The following MICAL3 variants were observed in gnomAD, a reference collection of about 807,000 sequenced individuals.
MICAL3 encodes [F-actin]-monooxygenase MICAL3.
MICAL3 carries 62 observed loss-of-function variants against 207.4 expected under a neutral mutation model. The observed-to-expected ratio is 0.30, with a 90% CI of 0.24 to 0.37. MICAL3 has a LOEUF of 0.37. MICAL3 is among the 10% of genes least tolerant of loss of function. The pLI is 1.00. For missense variants in MICAL3, 2,368 were observed against 2,635.6 expected (o/e 0.90, Z 2.22); for synonymous variants, 1,077 against 1,069.3 (o/e 1.01, Z -0.14).
intron 1 of MICAL3, among the ~76,000 whole-genome samples, chr22:17,970,504 T>C (rs909835988): frequency 6.6e-6 from 1 of 152,260 alleles, no homozygotes; most frequent in Non-Finnish European, 1.5e-5. Flanking sequence ...ACTCACTATG[T>C]GGCAGATGGG....
intron 25 of MICAL3, among the ~76,000 whole-genome samples, chr22:17,819,539 C>T (rs537596051): frequency 1.1e-4 from 17 of 152,224 alleles, no homozygotes; most frequent in South Asian, 8.3e-4. Context: ...CTATTTATCA[C>T]GGTGCATTAT....
rs769240321 is a variant in MICAL3 at position 17,901,862 on chromosome 22, G to A, written c.691+16C>T. On this transcript the variant is annotated intron_variant, in intron 5 of 31. Transcript: ENST00000441493. The stretch of plus-strand genomic sequence containing the variant: ...TCCCTCTGCTATGAGCCAGGCAGAG[G>A]AGCACAGACCAATACCTTCCAAGGT... The A allele has an allele frequency of 6.3e-6, 10 of 1,597,382 alleles. No homozygotes were observed. The highest frequency in any genetic ancestry group is 4.4e-5 in the South Asian group (4 of 90,528).
intron 1 of MICAL3, among the ~76,000 whole-genome samples, chr22:17,932,392 A>G (rs5992904): frequency 0.18 from 27,658 of 152,188 alleles, 2,703 homozygotes; most frequent in Middle Eastern, 0.26. Context: ...TCATAAGTGA[A>G]GGAGAAATAA....
intron 28 of MICAL3, among the ~76,000 whole-genome samples, chr22:17,809,196 A>G (rs776953925): frequency 2.6e-5 from 4 of 152,218 alleles, no homozygotes; most frequent in Non-Finnish European, 4.4e-5. Flanking sequence ...CCCTCCCAGG[A>G]GTGTTGCAGA....
chr22:17,796,725 G>A lies in MICAL3; in HGVS notation c.5651-5424C>T, dbSNP rs2061880268. On this transcript the variant is annotated intron_variant, in intron 29 of 31. Coordinates refer to ENST00000441493, the MANE Select transcript of MICAL3 (RefSeq NM_015241.3). The surrounding 1 kb of genome is among the most constrained non-coding windows in gnomAD (Gnocchi z 4.4). Reference sequence around the variant, plus strand: ...GCCTCGTCTTCTGAAGAGGCCCTGAGAGGGTAAGTAGAGTCTGTTTTGTCT... The same window carrying A: ...GCCTCGTCTTCTGAAGAGGCCCTGAAAGGGTAAGTAGAGTCTGTTTTGTCT... Among the ~76,000 whole-genome samples, 1 of 152,228 alleles carries A rather than the reference G, an allele frequency of 6.6e-6. No homozygotes were observed. The highest frequency in any genetic ancestry group is 2.4e-5 in the African/African-American group (1 of 41,460).
Position 17,818,230 on chromosome 22 carries a change from C to G in MICAL3, c.4431G>C (p.Arg1477Ser). The G allele has an allele frequency of 6.5e-7, 1 of 1,537,946 alleles. No individual in the cohort carries two copies. Among genetic ancestry groups the G allele is most frequent in the Non-Finnish European group, 8.7e-7 (1 of 1,147,850 alleles). ...CCACCGAGGCATTGGGCTCGGCCTC[C>G]CTGAGCTTCCTCCGCAAGGTGGCGG... ...EEPATLRRKL[R>S]EAEPNASVVP... Residue 1477 changes from arginine (R) to serine (S), a missense_variant, in exon 26 of 32, where the codon AGG becomes AGC. Coordinates refer to ENST00000441493, the MANE Select transcript of MICAL3 (RefSeq NM_015241.3).
At chr22:17,880,867 G>C (rs1929349869) in intron 16 of MICAL3, among the ~76,000 whole-genome samples, 1 of 152,214 alleles carries the variant, frequency 6.6e-6, no homozygotes, top group South Asian at 2.1e-4. Flanking sequence ...GAGAGAAAAG[G>C]GCTGCCTTCA....
At chr22:17,823,275 T>G (rs1243634285) in intron 22 of MICAL3, among the ~76,000 whole-genome samples, 3 of 152,182 alleles carry the variant, frequency 2.0e-5, no homozygotes, top group Admixed American at 2.0e-4. Flanking sequence ...CATTTCTCAA[T>G]GCTAGGGGCC....
chr22:17,937,951 A>T (rs1315948688), intron 1 of MICAL3, among the ~76,000 whole-genome samples: 1 of 152,242 alleles, frequency 6.6e-6, no homozygotes, highest in Non-Finnish European at 1.5e-5. Context: ...TCAAGGTCAG[A>T]TGTCAAGCTC....
chr22:17,871,959 T>C lies in MICAL3; in HGVS notation c.2306A>G (p.Lys769Arg). ...GGSDTCYFCQKRVYVMERLSA... is the reference protein window; with the variant it reads ...GGSDTCYFCQRRVYVMERLSA... ...CAGCCTCTCCATCACGTAGACCCGC[T>C]TCTGGCAGAAGTAGCATGTGTCGCT... The change falls in exon 17 of 32, where the codon AAG (lysine) becomes AGG (arginine). Residue 769 changes from lysine to arginine, a missense_variant. Physicochemically the swap from Lys to Arg is conservative, Grantham distance 26. Coordinates refer to ENST00000441493, the MANE Select transcript of MICAL3 (RefSeq NM_015241.3). 1.2e-6 allele frequency: 2 copies of C among 1,611,336 alleles called. No individual in the cohort carries two copies. Among genetic ancestry groups the C allele is most frequent in the Non-Finnish European group, 8.5e-7 (1 of 1,179,004 alleles).
chr22:17,910,227 C>T (rs960725161), intron 1 of MICAL3, among the ~76,000 whole-genome samples: 18 of 152,176 alleles, frequency 1.2e-4, no homozygotes, highest in African/African-American at 4.3e-4. Context: ...CCTTGGCTTA[C>T]ACCTACCCTG....
At chr22:17,968,769 T>C (rs1055712555) in intron 1 of MICAL3, among the ~76,000 whole-genome samples, 21 of 152,162 alleles carry the variant, frequency 1.4e-4, no homozygotes, top group Admixed American at 6.5e-5. Flanking sequence ...ATGGAAAGCA[T>C]ACTAAAGGAG....
At chr22:17,960,529 G>C (rs948344285) in intron 1 of MICAL3, among the ~76,000 whole-genome samples, 3 of 152,162 alleles carry the variant, frequency 2.0e-5, no homozygotes, top group Admixed American at 6.5e-5. Context: ...CATGCACCCT[G>C]GAACACCCCG....
intron 29 of MICAL3, among the ~76,000 whole-genome samples, chr22:17,792,378 T>C (rs940632262): frequency 3.9e-5 from 6 of 152,220 alleles, no homozygotes; most frequent in African/African-American, 1.4e-4. Flanking sequence ...CTGGGCTTCC[T>C]GGGGTCCATC....
chr22:17,830,745 C>T (rs1018324017), intron 21 of MICAL3, among the ~76,000 whole-genome samples: 2 of 152,216 alleles, frequency 1.3e-5, no homozygotes, highest in Admixed American at 6.5e-5. Context: ...GCCTCTGCCT[C>T]AGAGGGAAGA....
At chr22:18,016,248 C>T (rs1924048014) in intron 1 of MICAL3, among the ~76,000 whole-genome samples, 1 of 152,284 alleles carries the variant, frequency 6.6e-6, no homozygotes. Context: ...TTGTAATTTG[C>T]ACTTTTGATT....
chr22:18,016,884 G>A (rs1192818675), intron 1 of MICAL3, among the ~76,000 whole-genome samples: 3 of 151,316 alleles, frequency 2.0e-5, no homozygotes, highest in Non-Finnish European at 4.4e-5. Context: ...AGCTCGCAGT[G>A]AACCAAGATT....
chr22:17,844,696 C>G (rs950804529), intron 19 of MICAL3, among the ~76,000 whole-genome samples: 9 of 152,324 alleles, frequency 5.9e-5, no homozygotes, highest in African/African-American at 2.2e-4. Flanking sequence ...CTTGTTTTAG[C>G]CTTTGCATCC....
chr22:17,820,061 G>T (rs1921399416), intron 25 of MICAL3, among the ~76,000 whole-genome samples: 3 of 150,154 alleles, frequency 2.0e-5, no homozygotes, highest in Admixed American at 2.0e-4. Flanking sequence ...GAGCCGAGGA[G>T]TTGGGAGGCT....
Sources: allele counts gnomAD v4.1 joint callset (sites outside exome capture counted in the v4.1 genomes callset), GRCh38; gene constraint gnomAD v4.1.1; non-coding constraint Gnocchi (gnomAD v3.1); transcripts MANE v1.5; gene names NCBI Gene and HGNC (gene_info 2026-07-23, HGNC 2026-07-21).